Variants in ZNRF1 observed in about 807,000 individuals in gnomAD.
ZNRF1 encodes the protein E3 ubiquitin-protein ligase ZNRF1.
A neutral mutation model predicts 18.4 loss-of-function variants in ZNRF1; 3 were observed. The observed-to-expected ratio is 0.16, with a 90% CI of 0.07 to 0.42. The LOEUF is 0.42. ZNRF1 is among the 10% of genes least tolerant of loss of function. ZNRF1 has a pLI of 0.99. For missense variants in ZNRF1, 310 were observed against 329.8 expected (o/e 0.94, Z 0.47); for synonymous variants, 157 against 144.2 (o/e 1.09, Z -0.64).
Position 75,074,542 on chromosome 16 carries a change from C to T in ZNRF1, c.425-19030C>T, listed in dbSNP as rs375810285. On this transcript the variant is annotated intron_variant, in intron 1 of 4. Coordinates refer to ENST00000335325, the MANE Select transcript of ZNRF1 (RefSeq NM_032268.5). ...GTGAGTTGGGATAAAGATCAGATGA[C>T]CATATAATTTATCATTCAATCCCAG... Among the ~76,000 whole-genome samples the T allele has an allele frequency of 1.3e-4, 20 of 152,104 alleles. 2 individuals are homozygous for T. The highest frequency in any genetic ancestry group is 1.0e-3 in the South Asian group (5 of 4,818).
At chr16:75,059,430 T>C (rs2035715230) in intron 1 of ZNRF1, among the ~76,000 whole-genome samples, 1 of 151,840 alleles carries the variant, frequency 6.6e-6, no homozygotes, top group Non-Finnish European at 1.5e-5. Context: ...GTATTTTTTG[T>C]AGAGACAGGG....
At chr16:75,078,637 T>C (rs888956855) in intron 1 of ZNRF1, among the ~76,000 whole-genome samples, 9 of 152,192 alleles carry the variant, frequency 5.9e-5, no homozygotes, top group African/African-American at 2.2e-4. Context: ...TATTTATGTT[T>C]CTGATGCCAA....
chr16:75,018,707 A>G (rs986163610), intron 1 of ZNRF1, among the ~76,000 whole-genome samples: 2 of 152,154 alleles, frequency 1.3e-5, no homozygotes, highest in Non-Finnish European at 2.9e-5. Flanking sequence ...TAGATTTTCT[A>G]ATGTTAAATT....
At chr16:75,037,746 C>G (rs1358480664) in intron 1 of ZNRF1, among the ~76,000 whole-genome samples, 1 of 152,148 alleles carries the variant, frequency 6.6e-6, no homozygotes, top group South Asian at 2.1e-4. Context: ...GACCCCAAAT[C>G]TATGAATAGA....
intron 1 of ZNRF1, among the ~76,000 whole-genome samples, chr16:75,083,743 G>T (rs1401056957): frequency 6.6e-6 from 1 of 152,180 alleles, no homozygotes; most frequent in Non-Finnish European, 1.5e-5. Flanking sequence ...GGGGGAGGCA[G>T]TTGAGGCCTA....
intron 2 of ZNRF1, among the ~76,000 whole-genome samples, chr16:75,096,396 C>G (rs945956423): frequency 6.6e-6 from 1 of 152,100 alleles, no homozygotes; most frequent in African/African-American, 2.4e-5. Flanking sequence ...AGGGCCTGCT[C>G]CAGCTCAGAG....
At chr16:75,048,768 T>C (rs2035549616) in intron 1 of ZNRF1, among the ~76,000 whole-genome samples, 1 of 152,136 alleles carries the variant, frequency 6.6e-6, no homozygotes, top group Non-Finnish European at 1.5e-5. Context: ...GTTCGGGTGA[T>C]CTCTACTAGG....
intron 1 of ZNRF1, among the ~76,000 whole-genome samples, chr16:75,063,330 C>T (rs1443470192): frequency 6.6e-6 from 1 of 152,182 alleles, no homozygotes; most frequent in Non-Finnish European, 1.5e-5. Flanking sequence ...TCTAGCCTCC[C>T]TGTGGGGTGT....
intron 1 of ZNRF1, among the ~76,000 whole-genome samples, chr16:75,039,715 A>G (rs28674657): frequency 0.05 from 7,619 of 152,274 alleles, 586 homozygotes; most frequent in African/African-American, 0.17. Flanking sequence ...TCCAGTGGGA[A>G]GAGAGGGGTT....
chr16:75,030,943 C>G (rs1349922324), intron 1 of ZNRF1, among the ~76,000 whole-genome samples: 1 of 143,390 alleles, frequency 7.0e-6, no homozygotes, highest in East Asian at 2.1e-4. Flanking sequence ...CGGGTTCAAG[C>G]AATTCTTCCT....
chr16:75,015,615 A>G (rs1485853764), intron 1 of ZNRF1, among the ~76,000 whole-genome samples: 1 of 151,896 alleles, frequency 6.6e-6, no homozygotes. Context: ...ACAGGATCTC[A>G]CTCTGTTGCC....
chr16:74,999,756 G>A lies in ZNRF1; in HGVS notation c.85G>A (p.Gly29Arg). The A allele has an allele frequency of 6.5e-6, 9 of 1,392,512 alleles. No homozygotes were observed. The highest frequency in any genetic ancestry group is 6.5e-6 in the Non-Finnish European group (7 of 1,079,800). The allele number at this position is 1,392,512 out of a possible 1,614,324, so 86.3% of individuals were successfully genotyped here. The part of the protein sequence containing the change: ...STDDSAVPPP[G>R]GAPHFGHYRT... ...CGATGACAGCGCCGTGCCGCCGCCGGGAGGGGCGCCCCATTTCGGGCACTA... is the reference window on the plus strand; with the variant it reads ...CGATGACAGCGCCGTGCCGCCGCCGAGAGGGGCGCCCCATTTCGGGCACTA... Residue 29 changes from glycine (G) to arginine (R), a missense_variant, in exon 1 of 5, where the codon GGA (glycine) becomes AGA (arginine). Transcript: ENST00000335325.
chr16:75,068,744 G>A (rs558788783), intron 1 of ZNRF1, among the ~76,000 whole-genome samples: 3 of 151,962 alleles, frequency 2.0e-5, no homozygotes, highest in Non-Finnish European at 2.9e-5. Flanking sequence ...CTGCAGCCAC[G>A]CAGGTCCACC....
chr16:75,057,989 G>T (rs1242865421), intron 1 of ZNRF1, among the ~76,000 whole-genome samples: 1 of 152,154 alleles, frequency 6.6e-6, no homozygotes, highest in African/African-American at 2.4e-5. Context: ...GAAAAGTAGG[G>T]ACCACTGCTG....
chr16:75,034,968 T>G (rs1414352567), intron 1 of ZNRF1, among the ~76,000 whole-genome samples: 2 of 152,116 alleles, frequency 1.3e-5, no homozygotes, highest in Non-Finnish European at 2.9e-5. Flanking sequence ...GAAGTGAAAT[T>G]GCTGGATCAT....
intron 1 of ZNRF1, among the ~76,000 whole-genome samples, chr16:75,058,865 C>T (rs1247791767): frequency 6.6e-6 from 1 of 152,178 alleles, no homozygotes; most frequent in African/African-American, 2.4e-5. Context: ...TTCTGTGTGC[C>T]TTAGTTGAGA....
intron 1 of ZNRF1, among the ~76,000 whole-genome samples, chr16:75,049,798 C>G (rs189474346): frequency 6.6e-6 from 1 of 151,726 alleles, no homozygotes; most frequent in African/African-American, 2.4e-5. Context: ...GCTGTTAGTA[C>G]CATCCATAGA....
intron 1 of ZNRF1, among the ~76,000 whole-genome samples, chr16:75,068,962 C>T (rs566740419): frequency 3.3e-5 from 5 of 152,116 alleles, no homozygotes; most frequent in African/African-American, 9.6e-5. Flanking sequence ...GGGTCCCACC[C>T]CCTCCTCCCT....
intron 1 of ZNRF1, among the ~76,000 whole-genome samples, chr16:75,067,210 T>TC (rs2035816823): frequency 6.6e-6 from 1 of 152,198 alleles, no homozygotes; most frequent in Admixed American, 6.5e-5. Context: ...GACTCAGGGC[T>TC]CCCACAGCGC....
Sources: allele counts gnomAD v4.1 joint callset (sites outside exome capture counted in the v4.1 genomes callset), GRCh38; gene constraint gnomAD v4.1.1; transcripts MANE v1.5; gene names NCBI Gene and HGNC (gene_info 2026-07-23, HGNC 2026-07-21).